The following KCNQ5 variants were observed in gnomAD, a reference collection of about 807,000 sequenced individuals.
KCNQ5 encodes the protein potassium voltage-gated channel subfamily KQT member 5.
In KCNQ5, 30 loss-of-function variants were observed where a neutral mutation model predicts 98.2. The ratio of observed to expected loss-of-function variants is 0.31; its 90% CI spans 0.23 to 0.41. The LOEUF is 0.41. Ranked by LOEUF, KCNQ5 falls within the 10% of genes least tolerant of loss-of-function variation. KCNQ5 has a pLI of 1.00. For missense variants in KCNQ5, 835 were observed against 1,182.5 expected (o/e 0.71, Z 4.31); for synonymous variants, 458 against 449.4 (o/e 1.02, Z -0.24).
Position 72,930,517 on chromosome 6 carries a change from T to A in KCNQ5, c.399-73391T>A, listed in dbSNP as rs190179596. 9.2e-5 allele frequency among the ~76,000 whole-genome samples: 14 copies of A among 151,666 alleles called. No individual in the cohort carries two copies. The East Asian group carries it at 2.1e-3, about 23-fold the overall frequency. On this transcript the variant is annotated intron_variant, in intron 1 of 13. Coordinates refer to ENST00000370398, the MANE Select transcript of KCNQ5 (RefSeq NM_019842.4). ...TAATAAACCAAGAGGATTTAGCTAATTTTTTGAGGTCATTAACATGATGAA... is the reference window on the plus strand; with the variant it reads ...TAATAAACCAAGAGGATTTAGCTAAATTTTTGAGGTCATTAACATGATGAA...
At chr6:72,826,995 G>C (rs942773697) in intron 1 of KCNQ5, among the ~76,000 whole-genome samples, 11 of 152,036 alleles carry the variant, frequency 7.2e-5, no homozygotes, top group African/African-American at 2.7e-4. Context: ...TATGTTCCTG[G>C]CTTATTTCAC....
chr6:72,844,854 G>C (rs559372512), intron 1 of KCNQ5, among the ~76,000 whole-genome samples: 6 of 152,288 alleles, frequency 3.9e-5, no homozygotes, highest in Non-Finnish European at 7.4e-5. Context: ...TGCTTTTGCT[G>C]ACTGACACAA....
intron 1 of KCNQ5, among the ~76,000 whole-genome samples, chr6:72,870,592 T>C (rs916925114): frequency 6.6e-6 from 1 of 152,118 alleles, no homozygotes. Flanking sequence ...ATGTGCCCTA[T>C]AATCTTGGCT....
chr6:72,934,600 G>T (rs922310375), intron 1 of KCNQ5, among the ~76,000 whole-genome samples: 1 of 152,206 alleles, frequency 6.6e-6, no homozygotes, highest in Admixed American at 6.5e-5. Context: ...TATCAGAAGT[G>T]CTTTAGATAA....
chr6:73,079,269 G>A lies in KCNQ5; in HGVS notation c.918+1382G>A, dbSNP rs564496893. 7.9e-4 allele frequency among the ~76,000 whole-genome samples: 120 copies of A among 152,256 alleles called. 1 individual carries two copies. Among genetic ancestry groups the A allele is most frequent in the Non-Finnish European group, 1.5e-3 (103 of 68,032 alleles). ...TGCTTGTCTAAAGAATGTCCATATC[G>A]TTTTGGTTCAAAAAACCCCGTGAGT... On this transcript the variant is annotated intron_variant, in intron 5 of 13. Transcript: ENST00000370398.
intron 2 of KCNQ5, among the ~76,000 whole-genome samples, chr6:73,029,092 AGACATATTGAT>A (rs1771018346): frequency 6.6e-6 from 1 of 152,200 alleles, no homozygotes; most frequent in African/African-American, 2.4e-5. Flanking sequence ...GTATTAATTA[AGACATATTGAT>A]GATGTGAGCA....
At chr6:72,797,265 C>A (rs1774386962) in intron 1 of KCNQ5, among the ~76,000 whole-genome samples, 3 of 151,990 alleles carry the variant, frequency 2.0e-5, no homozygotes, top group Admixed American at 6.6e-5. Flanking sequence ...TGCCTGTAGT[C>A]CCAGCACTTT....
chr6:72,660,095 T>A (rs1266339058), intron 1 of KCNQ5, among the ~76,000 whole-genome samples: 1 of 152,198 alleles, frequency 6.6e-6, no homozygotes, highest in Admixed American at 6.5e-5. Flanking sequence ...GTTGAGGATG[T>A]TTATGCAGTA....
chr6:72,972,304 A>C lies in KCNQ5; in HGVS notation c.399-31604A>C, dbSNP rs138376795. Among the ~76,000 whole-genome samples the C allele has an allele frequency of 5.4e-3, 820 of 152,312 alleles. 4 individuals are homozygous for C. Among genetic ancestry groups the C allele is most frequent in the Non-Finnish European group, 6.3e-3 (430 of 68,036 alleles). The stretch of plus-strand genomic sequence containing the variant: ...TTTACTAGTGAATAGATGAATATCT[A>C]CTTGCCATTAAATATAGCAATTAAC... On this transcript the variant is annotated intron_variant, in intron 1 of 13. Coordinates refer to ENST00000370398, the MANE Select transcript of KCNQ5 (RefSeq NM_019842.4).
intron 1 of KCNQ5, among the ~76,000 whole-genome samples, chr6:72,678,819 G>A (rs1342499361): frequency 6.6e-6 from 1 of 152,034 alleles, no homozygotes; most frequent in African/African-American, 2.4e-5. Flanking sequence ...CTTTCAAGAA[G>A]CCATACAATA....
intron 5 of KCNQ5, among the ~76,000 whole-genome samples, chr6:73,079,875 A>G (rs1272760585): frequency 1.3e-5 from 2 of 152,246 alleles, no homozygotes; most frequent in Non-Finnish European, 2.9e-5. Context: ...CAAGGGGAAG[A>G]CAGTTTATCA....
chr6:73,053,160 A>G (rs1439107764), intron 3 of KCNQ5, among the ~76,000 whole-genome samples: 1 of 152,246 alleles, frequency 6.6e-6, no homozygotes, highest in African/African-American at 2.4e-5. Flanking sequence ...AAGGCATTAC[A>G]TAATGGTAAA....
chr6:72,659,054 G>A (rs531476838), intron 1 of KCNQ5, among the ~76,000 whole-genome samples: 6 of 152,202 alleles, frequency 3.9e-5, no homozygotes, highest in East Asian at 1.9e-4. Flanking sequence ...TTTTTTAAAC[G>A]TCTCCATTAA....
intron 1 of KCNQ5, among the ~76,000 whole-genome samples, chr6:72,882,868 T>C (rs1045014724): frequency 2.0e-5 from 3 of 152,124 alleles, no homozygotes; most frequent in African/African-American, 7.2e-5. Context: ...TTGACAAGAG[T>C]GTACGCGTGC....
chr6:72,954,871 TG>T (rs1267359413), intron 1 of KCNQ5, among the ~76,000 whole-genome samples: 5 of 152,332 alleles, frequency 3.3e-5, no homozygotes, highest in African/African-American at 1.2e-4. Context: ...TGATGGAATC[TG>T]GGGGCCATGG....
chr6:72,889,964 C>T (rs923255475), intron 1 of KCNQ5, among the ~76,000 whole-genome samples: 4 of 152,090 alleles, frequency 2.6e-5, no homozygotes, highest in African/African-American at 9.7e-5. Context: ...GCAGAGAGAA[C>T]TGAATTCAGT....
rs771263285 is a variant in KCNQ5, at chr6:73,041,954, G to A, written c.508G>A (p.Val170Ile). 11 of 1,613,656 alleles carry A rather than the reference G, an allele frequency of 6.8e-6. No homozygotes were observed. Among genetic ancestry groups the A allele is most frequent in the Admixed American group, 3.3e-5 (2 of 59,982 alleles). ...ATTTTAGGAGTTCGTGATGATTGTC[G>A]TCTTTGGTTTGGAGTTCATCATTCG... ...LLILEFVMIV[V>I]FGLEFIIRIW... The change falls in exon 3 of 14, where the codon GTC becomes ATC. Residue 170 changes from valine to isoleucine, a missense_variant. Val to Ile is a conservative substitution (Grantham distance 29, BLOSUM62 3). Around this residue, in one of 10 missense-constraint regions of KCNQ5, gnomAD observed 48 missense variants for 112.1 expected, o/e 0.43. Transcript: ENST00000370398.
intron 1 of KCNQ5, among the ~76,000 whole-genome samples, chr6:72,760,518 G>A (rs972474912): frequency 6.6e-6 from 1 of 151,922 alleles, no homozygotes; most frequent in African/African-American, 2.4e-5. Context: ...TGTGCATGGG[G>A]TGAGGGGGTT....
At chr6:72,690,100 C>G (rs944976072) in intron 1 of KCNQ5, among the ~76,000 whole-genome samples, 1 of 151,946 alleles carries the variant, frequency 6.6e-6, no homozygotes, top group African/African-American at 2.4e-5. Flanking sequence ...TGGTGAAACC[C>G]CGTCTCTACT....
Sources: allele counts gnomAD v4.1 joint callset (sites outside exome capture counted in the v4.1 genomes callset), GRCh38; gene constraint gnomAD v4.1.1; regional missense constraint gnomAD v4.1.1; transcripts MANE v1.5; gene names NCBI Gene and HGNC (gene_info 2026-07-23, HGNC 2026-07-21).